The following WDR41 variants were observed in gnomAD, a reference collection of about 807,000 sequenced individuals.
The protein encoded by WDR41 is WD repeat-containing protein 41.
A neutral mutation model predicts 69.3 loss-of-function variants in WDR41; 63 were observed. That is an observed-to-expected ratio of 0.91 (90% CI 0.74 to 1.12). The LOEUF is 1.12. Ranked by LOEUF, WDR41 falls within the 50% of genes most tolerant of loss-of-function variation. The pLI is 0.00. For synonymous variants in WDR41, 185 were observed against 192.1 expected (o/e 0.96, Z 0.31); for missense variants, 543 against 534.5 (o/e 1.02, Z -0.16).
At chr5:77,497,774 A>G (rs2112147128) in intron 1 of WDR41, among the ~76,000 whole-genome samples, 1 of 152,238 alleles carries the variant, frequency 6.6e-6, no homozygotes, top group Admixed American at 6.5e-5. Context: ...GAAAGCAAGG[A>G]CTCAACAGAT....
At chr5:77,566,025 C>A (rs1030652563) in intron 1 of WDR41, among the ~76,000 whole-genome samples, 2 of 152,084 alleles carry the variant, frequency 1.3e-5, no homozygotes, top group Admixed American at 6.6e-5. Context: ...AAATAAAACT[C>A]CTTGTTTAGA....
rs762766639 is a variant in WDR41, at chr5:77,464,686, T to G, written c.216+75A>C. 339 of 1,392,416 alleles carry G rather than the reference T, an allele frequency of 2.4e-4. 1 individual carries two copies. The highest frequency in any genetic ancestry group is 3.2e-4 in the Non-Finnish European group (317 of 984,302). The allele number at this position is 1,392,416 out of a possible 1,614,324, so 86.3% of individuals were successfully genotyped here. On this transcript the variant is annotated intron_variant, in intron 3 of 12. Coordinates refer to ENST00000296679, the MANE Select transcript of WDR41 (RefSeq NM_018268.4). Reference sequence around the variant, plus strand: ...AGTGATATGTAAATGTATCCCCAGATAGTATTTATATGAATACATACTCAA... The same window carrying G: ...AGTGATATGTAAATGTATCCCCAGAGAGTATTTATATGAATACATACTCAA...
intron 1 of WDR41, among the ~76,000 whole-genome samples, chr5:77,571,115 G>C (rs991647165): frequency 2.0e-5 from 3 of 152,072 alleles, no homozygotes; most frequent in Non-Finnish European, 4.4e-5. Flanking sequence ...GTCAATGAAT[G>C]CTCCACTGAT....
intron 1 of WDR41, among the ~76,000 whole-genome samples, chr5:77,610,033 G>A (rs1229033917): frequency 1.1e-4 from 17 of 151,356 alleles, no homozygotes; most frequent in Middle Eastern, 3.4e-3. Context: ...GAGCCGATGC[G>A]ATCAACTGGA....
At chr5:77,573,903 T>C (rs1235136689) in intron 1 of WDR41, among the ~76,000 whole-genome samples, 2 of 152,160 alleles carry the variant, frequency 1.3e-5, no homozygotes, top group Non-Finnish European at 2.9e-5. Flanking sequence ...CACAGGCAAC[T>C]TTTCTAGAAG....
At chr5:77,573,259 C>G (rs1236798775) in intron 1 of WDR41, among the ~76,000 whole-genome samples, 1 of 151,440 alleles carries the variant, frequency 6.6e-6, no homozygotes, top group Non-Finnish European at 1.5e-5. Context: ...CTCTCTCTCT[C>G]TCTCTCTCTT....
At chr5:77,502,835 C>A (rs1561208287) in intron 1 of WDR41, among the ~76,000 whole-genome samples, 2 of 152,148 alleles carry the variant, frequency 1.3e-5, no homozygotes. Flanking sequence ...TTGTCACCAC[C>A]AGGCCTGCCT....
chr5:77,448,275 TAAG>T (rs2151301034), intron 8 of WDR41, among the ~76,000 whole-genome samples: 1 of 152,250 alleles, frequency 6.6e-6, no homozygotes, highest in East Asian at 1.9e-4. Context: ...GCTTCCCAAA[TAAG>T]AACTTGCCTT....
At chr5:77,611,939 A>C (rs889911267) in intron 1 of WDR41, among the ~76,000 whole-genome samples, 3 of 152,188 alleles carry the variant, frequency 2.0e-5, no homozygotes, top group African/African-American at 7.2e-5. Flanking sequence ...AATAGACACA[A>C]TAAAAAATGA....
intron 5 of WDR41, 85 bp from the exon 6 acceptor site, chr5:77,454,013 T>C (rs928498490): frequency 3.8e-5 from 39 of 1,026,432 alleles, no homozygotes; most frequent in Non-Finnish European, 5.4e-5. Context: ...CACAAGTTCT[T>C]TAACCCCTTC....
chr5:77,441,288 C>G (rs1799153334), intron 8 of WDR41, among the ~76,000 whole-genome samples: 1 of 152,092 alleles, frequency 6.6e-6, no homozygotes, highest in Non-Finnish European at 1.5e-5. Flanking sequence ...AGAACCTTAT[C>G]TTGTACCATA....
intron 1 of WDR41, among the ~76,000 whole-genome samples, chr5:77,609,669 T>C (rs2112337716): frequency 6.6e-6 from 1 of 151,900 alleles, no homozygotes; most frequent in South Asian, 2.1e-4. Context: ...ATCACCATCA[T>C]CAAAGACCAA....
At chr5:77,612,245 C>T (rs905721289) in intron 1 of WDR41, among the ~76,000 whole-genome samples, 1 of 152,216 alleles carries the variant, frequency 6.6e-6, no homozygotes, top group African/African-American at 2.4e-5. Flanking sequence ...CCTTCTGAAA[C>T]TATTCCAATC....
At chr5:77,575,825 A>T (rs1454892953) in intron 1 of WDR41, among the ~76,000 whole-genome samples, 1 of 152,192 alleles carries the variant, frequency 6.6e-6, no homozygotes. Flanking sequence ...GGAGAAATGG[A>T]AAAAGCAAGA....
intron 5 of WDR41, 136 bp downstream of exon 5, chr5:77,458,926 G>C: frequency 1.8e-6 from 1 of 565,092 alleles, no homozygotes; most frequent in Admixed American, 3.3e-5. Context: ...GATCTTACAC[G>C]AAGCAAATGA....
chr5:77,479,554 C>A (rs1186779861), intron 2 of WDR41, among the ~76,000 whole-genome samples: 1 of 152,050 alleles, frequency 6.6e-6, no homozygotes, highest in Non-Finnish European at 1.5e-5. Context: ...ACAAACCTGA[C>A]AAAAACAAGA....
intron 6 of WDR41, 42 bp downstream of exon 6, chr5:77,453,775 A>G (rs914528545): frequency 6.8e-7 from 1 of 1,474,984 alleles, no homozygotes; most frequent in Non-Finnish European, 9.5e-7. Flanking sequence ...TGTGTCTTCT[A>G]GTCTGTCAAT....
chr5:77,512,002 G>A (rs11742115), intron 1 of WDR41, among the ~76,000 whole-genome samples: 49,787 of 151,862 alleles, frequency 0.33, 8,232 homozygotes, highest in East Asian at 0.36. Context: ...GTTAATCAAC[G>A]AATATAATAT....
chr5:77,583,487 G>A (rs1310976688), intron 1 of WDR41, among the ~76,000 whole-genome samples: 1 of 151,596 alleles, frequency 6.6e-6, no homozygotes, highest in East Asian at 1.9e-4. Flanking sequence ...ACTCCAGCCT[G>A]GGTGACAGAG....
Sources: allele counts gnomAD v4.1 joint callset (sites outside exome capture counted in the v4.1 genomes callset), GRCh38; gene constraint gnomAD v4.1.1; transcripts MANE v1.5; gene names NCBI Gene and HGNC (gene_info 2026-07-23, HGNC 2026-07-21).